Variants in DLGAP2 observed in about 807,000 individuals in gnomAD.
The protein encoded by DLGAP2 is DLG associated protein 2.
A neutral mutation model predicts 100.3 loss-of-function variants in DLGAP2; 26 were observed. The observed-to-expected ratio is 0.26, with a 90% confidence interval of 0.19 to 0.36. DLGAP2 has a LOEUF of 0.36. Ranked by LOEUF, DLGAP2 falls within the 10% of genes least tolerant of loss-of-function variation. DLGAP2 has a pLI of 1.00. For synonymous variants in DLGAP2, 886 were observed against 630.1 expected (o/e 1.41, Z -6.08); for missense variants, 1,858 against 1,453.2 (o/e 1.28, Z -4.53).
At chr8:844,351 T>A (rs1471851973) in intron 1 of DLGAP2, among the ~76,000 whole-genome samples, 1 of 152,240 alleles carries the variant, frequency 6.6e-6, no homozygotes, top group Non-Finnish European at 1.5e-5. Context: ...TCAGTTTTCA[T>A]GAAGGGAGCA....
chr8:1,627,139 G>A (rs756865246), intron 7 of DLGAP2, among the ~76,000 whole-genome samples: 1 of 152,254 alleles, frequency 6.6e-6, no homozygotes, highest in African/African-American at 2.4e-5. Context: ...ATGACCAAAA[G>A]GGTGGTCATC....
At chr8:1,021,814 A>T (rs993467487) in intron 2 of DLGAP2, among the ~76,000 whole-genome samples, 7 of 152,102 alleles carry the variant, frequency 4.6e-5, no homozygotes, top group Admixed American at 4.6e-4. Flanking sequence ...CACCACTGTC[A>T]GTGGTGGGAG....
chr8:1,334,919 G>A (rs1801240065), intron 3 of DLGAP2, among the ~76,000 whole-genome samples: 1 of 152,186 alleles, frequency 6.6e-6, no homozygotes, highest in African/African-American at 2.4e-5. Context: ...CCTCCCTGCG[G>A]GGCACAAGTT....
intron 3 of DLGAP2, among the ~76,000 whole-genome samples, chr8:1,447,700 T>C (rs536785183): frequency 4.6e-5 from 7 of 152,270 alleles, no homozygotes; most frequent in Non-Finnish European, 7.3e-5. Flanking sequence ...AATTCGGCTG[T>C]GAATCCATTT....
At chr8:1,489,227 G>A (rs149121959) in intron 3 of DLGAP2, among the ~76,000 whole-genome samples, 48 of 152,316 alleles carry the variant, frequency 3.2e-4, no homozygotes, top group African/African-American at 1.1e-3. Flanking sequence ...CTTCTGATGC[G>A]TGGAGTTGGA....
intron 2 of DLGAP2, among the ~76,000 whole-genome samples, chr8:974,657 AAAG>A (rs1377437834): frequency 2.0e-5 from 3 of 152,240 alleles, no homozygotes; most frequent in Non-Finnish European, 2.9e-5. Context: ...CACATTCGTC[AAAG>A]AAGAAGTCTC....
intron 2 of DLGAP2, among the ~76,000 whole-genome samples, chr8:1,193,042 T>G (rs1257622006): frequency 6.6e-6 from 1 of 152,174 alleles, no homozygotes; most frequent in Non-Finnish European, 1.5e-5. Context: ...ATGGTGTATA[T>G]GTGCCACATT....
At chr8:754,072 G>C (rs1820859543) in intron 1 of DLGAP2, 1 of 152,272 alleles carries the variant, frequency 6.6e-6, no homozygotes, top group Non-Finnish European at 1.5e-5. Flanking sequence ...AGTGAGGATG[G>C]AACCGCACCG....
At chr8:1,143,217 A>C (rs1264039765) in intron 2 of DLGAP2, among the ~76,000 whole-genome samples, 4 of 152,212 alleles carry the variant, frequency 2.6e-5, no homozygotes, top group Non-Finnish European at 1.5e-5. Context: ...GGGTAAAATG[A>C]AAACACATAC....
At chr8:805,666 G>C (rs1011728786) in intron 1 of DLGAP2, among the ~76,000 whole-genome samples, 9 of 152,068 alleles carry the variant, frequency 5.9e-5, no homozygotes, top group Non-Finnish European at 1.0e-4. Flanking sequence ...GGAGGGCAGT[G>C]GCACGATCTG....
intron 3 of DLGAP2, among the ~76,000 whole-genome samples, chr8:1,327,400 T>C (rs984974649): frequency 2.0e-5 from 3 of 152,250 alleles, no homozygotes; most frequent in Non-Finnish European, 4.4e-5. Context: ...GAATGATGTA[T>C]GCCTGAGTCA....
chr8:1,634,377 C>T (rs533418745), intron 8 of DLGAP2, among the ~76,000 whole-genome samples: 3 of 152,124 alleles, frequency 2.0e-5, no homozygotes, highest in Admixed American at 6.5e-5. Flanking sequence ...GCTTTCTGTA[C>T]GAGGGAGGGT....
intron 1 of DLGAP2, among the ~76,000 whole-genome samples, chr8:849,927 G>C (rs1218333144): frequency 6.6e-6 from 1 of 152,078 alleles, no homozygotes; most frequent in African/African-American, 2.4e-5. Context: ...AGCTGGGCCT[G>C]GTGCTGTGGG....
chr8:1,331,700 C>G (rs1478853259), intron 3 of DLGAP2, among the ~76,000 whole-genome samples: 2 of 152,146 alleles, frequency 1.3e-5, no homozygotes, highest in African/African-American at 2.4e-5. Context: ...GAAAGATGAC[C>G]CACTTATAGA....
chr8:1,266,910 G>A (rs113645803), intron 3 of DLGAP2, among the ~76,000 whole-genome samples: 10 of 152,068 alleles, frequency 6.6e-5, no homozygotes, highest in African/African-American at 2.4e-4. Flanking sequence ...CACACTCAGT[G>A]GGGAGAGGGG....
intron 3 of DLGAP2, among the ~76,000 whole-genome samples, chr8:1,371,688 T>C (rs1001455582): frequency 6.6e-6 from 1 of 152,208 alleles, no homozygotes; most frequent in Non-Finnish European, 1.5e-5. Flanking sequence ...TAACAGGACA[T>C]CTCAGGGCTG....
chr8:923,963 C>G (rs1798764483), intron 2 of DLGAP2, among the ~76,000 whole-genome samples: 1 of 152,172 alleles, frequency 6.6e-6, no homozygotes, highest in Non-Finnish European at 1.5e-5. Flanking sequence ...AGGGATCCAG[C>G]TTAATGTTCT....
intron 2 of DLGAP2, among the ~76,000 whole-genome samples, chr8:967,454 A>G (rs1799899065): frequency 6.6e-6 from 1 of 152,142 alleles, no homozygotes; most frequent in Middle Eastern, 3.2e-3. Flanking sequence ...CTGAGGCTTA[A>G]GATGCCCTTA....
intron 6 of DLGAP2, among the ~76,000 whole-genome samples, chr8:1,571,551 G>T (rs1207042464): frequency 7.5e-6 from 1 of 133,366 alleles, no homozygotes; most frequent in Admixed American, 7.6e-5. Context: ...GGAGTGAACT[G>T]TGGGGTGTCT....
Sources: gnomAD v4.1 joint callset for allele counts (sites outside exome capture counted in the v4.1 genomes callset) on GRCh38, gnomAD v4.1.1 for gene constraint, MANE v1.5 for transcripts, NCBI Gene and HGNC (gene_info 2026-07-23, HGNC 2026-07-21) for gene names.